The following BCL2L13 variants were observed in gnomAD, a reference collection of about 807,000 sequenced individuals.
BCL2L13 encodes the protein BCL2 like 13.
A neutral mutation model predicts 25.8 loss-of-function variants in BCL2L13; 13 were observed. The observed-to-expected ratio is 0.50, with a 90% CI of 0.33 to 0.80. The LOEUF (loss-of-function observed/expected upper bound fraction) is 0.80. Ranked by LOEUF, BCL2L13 falls within the 30% of genes least tolerant of loss-of-function variation. BCL2L13 has a pLI of 0.02. For synonymous variants in BCL2L13, 244 were observed against 230.3 expected (o/e 1.06, Z -0.54); for missense variants, 504 against 574.9 (o/e 0.88, Z 1.26).
intron 6 of BCL2L13, chr22:17,703,166 T>TACACACACACACAC (rs1306835928): frequency 1.6e-5 from 2 of 128,530 alleles, no homozygotes; most frequent in African/African-American, 7.1e-5. Context: ...CAACAAAATA[T>TACACACACACACAC]ATATATACAC....
rs549346497 is a variant in BCL2L13, at chr22:17,714,218, G to A, written c.600+11832G>A. Among the ~76,000 whole-genome samples the A allele has an allele frequency of 2.1e-4, 32 of 152,152 alleles. No individual in the cohort carries two copies. In the East Asian group the frequency reaches 3.5e-3, roughly 17 times the overall value. ...TGAGGCAGGAGAAAGGCGTGAACCCGGGAGGTGGAGCTTGGAGTGAGCAGA... is the reference window on the plus strand; with the variant it reads ...TGAGGCAGGAGAAAGGCGTGAACCCAGGAGGTGGAGCTTGGAGTGAGCAGA... On this transcript the variant is annotated intron_variant, in intron 6 of 6. Coordinates refer to ENST00000317582, the MANE Select transcript of BCL2L13 (RefSeq NM_015367.4).
chr22:17,702,525 T>C (rs149451952), intron 6 of BCL2L13, 139 bp downstream of exon 6: 2 of 810,556 alleles, frequency 2.5e-6, no homozygotes, highest in African/African-American at 1.8e-5. Flanking sequence ...CAGGCTTCGG[T>C]CTCAAACTCC....
chr22:17,652,164 ATAGCT>A (rs1424304857), intron 1 of BCL2L13, among the ~76,000 whole-genome samples: 8 of 151,720 alleles, frequency 5.3e-5, no homozygotes, highest in Non-Finnish European at 7.3e-5. Flanking sequence ...CCTACCAAAC[ATAGCT>A]TAGCCTGTGC....
chr22:17,717,777 A>C (rs372378681), intron 6 of BCL2L13, among the ~76,000 whole-genome samples: 1 of 151,900 alleles, frequency 6.6e-6, no homozygotes, highest in African/African-American at 2.4e-5. Context: ...GAGTCTTTGC[A>C]TTGCTTCTTA....
intron 1 of BCL2L13, among the ~76,000 whole-genome samples, chr22:17,642,125 C>A (rs2058311816): frequency 8.3e-6 from 1 of 120,726 alleles, no homozygotes; most frequent in African/African-American, 3.2e-5. Context: ...TGTCTGGCTT[C>A]TCTCTTTTTT....
chr22:17,650,355 A>C (rs561407678), intron 1 of BCL2L13, among the ~76,000 whole-genome samples: 20 of 152,188 alleles, frequency 1.3e-4, no homozygotes, highest in African/African-American at 4.8e-4. Flanking sequence ...ACTACCCCTT[A>C]AATGTTAGTG....
chr22:17,707,193 G>A (rs543923990), intron 6 of BCL2L13, among the ~76,000 whole-genome samples: 45 of 152,144 alleles, frequency 3.0e-4, no homozygotes, highest in Admixed American at 2.2e-3. Context: ...AAATCTGCCT[G>A]CTGTATATGT....
chr22:17,650,347 T>C (rs1302083370), intron 1 of BCL2L13, among the ~76,000 whole-genome samples: 1 of 152,216 alleles, frequency 6.6e-6, no homozygotes, highest in Non-Finnish European at 1.5e-5. Flanking sequence ...ATCTTTTGAC[T>C]ACCCCTTAAA....
chr22:17,670,187 T>C (rs1168308463), intron 2 of BCL2L13, among the ~76,000 whole-genome samples: 1 of 152,224 alleles, frequency 6.6e-6, no homozygotes, highest in Non-Finnish European at 1.5e-5. Context: ...TTTGAAATTA[T>C]GAAGTGTGAG....
chr22:17,718,759 A>G (rs2061016435), intron 6 of BCL2L13, among the ~76,000 whole-genome samples: 1 of 152,152 alleles, frequency 6.6e-6, no homozygotes, highest in Admixed American at 6.5e-5. Flanking sequence ...TCATAGACCT[A>G]GTTTTTAGGA....
chr22:17,708,190 A>G (rs1004238823), intron 6 of BCL2L13, among the ~76,000 whole-genome samples: 5 of 151,568 alleles, frequency 3.3e-5, no homozygotes. Context: ...AGTTTAATGC[A>G]TGTATCTGTG....
At chr22:17,714,196 G>A (rs2060845628) in intron 6 of BCL2L13, among the ~76,000 whole-genome samples, 1 of 152,092 alleles carries the variant, frequency 6.6e-6, no homozygotes, top group African/African-American at 2.4e-5. Flanking sequence ...GGGAGGCTGA[G>A]GCAGGAGAAA....
chr22:17,673,533 A>ATTTTTTTTT (rs34253686), intron 2 of BCL2L13, among the ~76,000 whole-genome samples: 2 of 131,074 alleles, frequency 1.5e-5, no homozygotes, highest in Non-Finnish European at 3.3e-5. Context: ...ATGCCTGGCA[A>ATTTTTTTTT]TTTTTTTTTT....
At chr22:17,712,171 T>G (rs2060782625) in intron 6 of BCL2L13, among the ~76,000 whole-genome samples, 1 of 152,222 alleles carries the variant, frequency 6.6e-6, no homozygotes, top group South Asian at 2.1e-4. Context: ...TTGGATGATC[T>G]TCTCATGGTG....
chr22:17,664,856 C>G (rs1429884568), intron 2 of BCL2L13, among the ~76,000 whole-genome samples: 1 of 152,180 alleles, frequency 6.6e-6, no homozygotes, highest in East Asian at 1.9e-4. Flanking sequence ...TGCAGGGCAC[C>G]AAGTCCAGAG....
At chr22:17,667,390 C>T (rs1486618897) in intron 2 of BCL2L13, among the ~76,000 whole-genome samples, 1 of 152,080 alleles carries the variant, frequency 6.6e-6, no homozygotes, top group African/African-American at 2.4e-5. Context: ...AGGCTAGTCT[C>T]GAACTCCTGA....
chr22:17,680,523 AAAAAAAAAAAAAAAAAAAG>A (rs1447789598), intron 2 of BCL2L13, among the ~76,000 whole-genome samples: 14,423 of 107,244 alleles, frequency 0.13, 1,289 homozygotes, highest in Non-Finnish European at 0.2. Flanking sequence ...AAAAAAAAAA[AAAAAAAAAAAAAAAAAAAG>A]AAAAAAAGAC....
chr22:17,634,393 G>A (rs2058073645), upstream of BCL2L13, among the ~76,000 whole-genome samples: 1 of 152,148 alleles, frequency 6.6e-6, no homozygotes, highest in Admixed American at 6.6e-5. Context: ...CACTATGTTA[G>A]CCAGGCTGGT....
chr22:17,668,362 T>C (rs1363306680), intron 2 of BCL2L13, among the ~76,000 whole-genome samples: 3 of 151,964 alleles, frequency 2.0e-5, no homozygotes, highest in Admixed American at 6.6e-5. Context: ...TAAGAAACCA[T>C]TGGCTAATAC....
Sources: allele counts gnomAD v4.1 joint callset (sites outside exome capture counted in the v4.1 genomes callset), GRCh38; gene constraint gnomAD v4.1.1; transcripts MANE v1.5; gene names NCBI Gene and HGNC (gene_info 2026-07-23, HGNC 2026-07-21).